STK32A: variants seen among roughly 807,000 people sequenced by gnomAD.
The protein encoded by STK32A is serine/threonine kinase 32A.
Under a neutral mutation model 53.2 loss-of-function variants are expected in STK32A, and 41 were observed. That is an observed-to-expected ratio of 0.77 (90% CI 0.60 to 1.00). STK32A has a LOEUF of 1.00. STK32A is among the 50% of genes least tolerant of loss of function. The probability of loss-of-function intolerance (pLI) is 0.00; values close to 1 mark genes in which losing one functional copy is unlikely to be tolerated. For missense variants in STK32A, 458 were observed against 485.8 expected, an observed-to-expected ratio of 0.94 and a Z score of 0.54; for synonymous variants, 166 against 162.8, an observed-to-expected ratio of 1.02 and a Z score of -0.15.
At chr5:147,253,612 T>A (rs1197741720) in intron 2 of STK32A, among the ~76,000 whole-genome samples, 1 of 152,178 alleles carries the variant, frequency 6.6e-6, no homozygotes, top group Non-Finnish European at 1.5e-5. Context: ...CACCTCAGCC[T>A]CTCAAGGTGC....
At chr5:147,334,012 T>C (rs77453434) in intron 5 of STK32A, among the ~76,000 whole-genome samples, 5,797 of 152,234 alleles carry the variant, frequency 0.038, 151 homozygotes, top group Middle Eastern at 0.082. Flanking sequence ...ACAGCTCCTA[T>C]TATAATGCTT....
chr5:147,323,806 A>G (rs1006266722), intron 4 of STK32A, 92 bp from the exon 5 acceptor site: 4 of 1,120,658 alleles, frequency 3.6e-6, no homozygotes, highest in Non-Finnish European at 5.0e-6. Flanking sequence ...GCTCAAGAAC[A>G]CTCTGCTCTG....
intron 6 of STK32A, among the ~76,000 whole-genome samples, chr5:147,343,788 T>C (rs1299413288): frequency 6.6e-6 from 1 of 152,210 alleles, no homozygotes; most frequent in African/African-American, 2.4e-5. Context: ...TATCAAGTTT[T>C]CTGTTTAAAA....
chr5:147,362,642 C>T (rs978019415), intron 8 of STK32A, among the ~76,000 whole-genome samples: 1 of 152,226 alleles, frequency 6.6e-6, no homozygotes, highest in Non-Finnish European at 1.5e-5. Flanking sequence ...ATACATTCAA[C>T]AGTCCCAAAA....
At chr5:147,374,278 C>T (rs1354888283) in intron 10 of STK32A, among the ~76,000 whole-genome samples, 15 of 136,172 alleles carry the variant, frequency 1.1e-4, no homozygotes, top group African/African-American at 4.7e-4. Flanking sequence ...CAGAGTGAGA[C>T]CCTGTCTCAA....
At position 147,373,165 on chromosome 5, in the gene STK32A, G is replaced by A. The variant is rs1480063976; in HGVS notation, c.778-4G>A. On this transcript the variant is annotated splice_polypyrimidine_tract_variant and splice_region_variant and intron_variant, in intron 9 of 12. Coordinates refer to ENST00000397936, the MANE Select transcript of STK32A (RefSeq NM_001112724.2). ...TGGCCTTGATGTTTGCATTTTATTG[G>A]CAGCTACTCGAACCTAATCCAGACC... The A allele has an allele frequency of 5.0e-6, 8 of 1,612,608 alleles. No homozygotes were observed. Among genetic ancestry groups the A allele is most frequent in the Admixed American group, 1.7e-5 (1 of 59,920 alleles).
chr5:147,381,245 A>G (rs1054105241), intron 11 of STK32A, among the ~76,000 whole-genome samples: 3 of 152,162 alleles, frequency 2.0e-5, no homozygotes, highest in African/African-American at 7.2e-5. Context: ...TCTGGCCTCC[A>G]AAGTTTCTGA....
At chr5:147,376,811 CTGT>C (rs2152006111) in intron 11 of STK32A, among the ~76,000 whole-genome samples, 1 of 152,244 alleles carries the variant, frequency 6.6e-6, no homozygotes, top group South Asian at 2.1e-4. Flanking sequence ...CTTGTCATTT[CTGT>C]TGTTGAATTA....
At chr5:147,247,960 A>C (rs1206755162) in intron 2 of STK32A, among the ~76,000 whole-genome samples, 1 of 151,936 alleles carries the variant, frequency 6.6e-6, no homozygotes, top group Non-Finnish European at 1.5e-5. Context: ...TGTCTATATT[A>C]AAAATACAAA....
At chr5:147,305,454 T>G (rs959910231) in intron 4 of STK32A, among the ~76,000 whole-genome samples, 4 of 152,066 alleles carry the variant, frequency 2.6e-5, no homozygotes, top group Non-Finnish European at 5.9e-5. Context: ...GGACCAGCAG[T>G]CCGGTTTTTC....
intron 4 of STK32A, among the ~76,000 whole-genome samples, chr5:147,299,045 C>T (rs892684635): frequency 1.3e-5 from 2 of 151,912 alleles, no homozygotes; most frequent in East Asian, 1.9e-4. Flanking sequence ...GGATCTCACG[C>T]AAGAAAGAAT....
intron 2 of STK32A, among the ~76,000 whole-genome samples, chr5:147,269,878 G>A (rs4385262): frequency 0.59 from 89,161 of 151,454 alleles, 26,545 homozygotes; most frequent in African/African-American, 0.67. Flanking sequence ...TCACTATGGC[G>A]TGACTGCATA....
At chr5:147,274,284 C>A (rs1464541205) in intron 2 of STK32A, among the ~76,000 whole-genome samples, 1 of 152,168 alleles carries the variant, frequency 6.6e-6, no homozygotes, top group Non-Finnish European at 1.5e-5. Flanking sequence ...GCCACATACC[C>A]TAGCCCAGCC....
intron 1 of STK32A, among the ~76,000 whole-genome samples, chr5:147,235,736 T>C (rs1753284366): frequency 6.6e-6 from 1 of 152,254 alleles, no homozygotes; most frequent in South Asian, 2.1e-4. Context: ...ACACTTGTCA[T>C]GTTTGTAAAA....
intron 4 of STK32A, among the ~76,000 whole-genome samples, chr5:147,318,610 A>T (rs76245960): frequency 2.9e-5 from 4 of 138,850 alleles, no homozygotes; most frequent in East Asian, 2.1e-4. Context: ...ACTAAAAATT[A>T]AAAAAAAAAA....
At chr5:147,290,353 A>T (rs894584295) in intron 4 of STK32A, among the ~76,000 whole-genome samples, 5 of 152,146 alleles carry the variant, frequency 3.3e-5, no homozygotes, top group Non-Finnish European at 7.4e-5. Flanking sequence ...ACCTGGCTAC[A>T]CTCAGGAACA....
At position 147,243,373 on chromosome 5, in the gene STK32A, A is replaced by G. The variant is rs916156416; in HGVS notation, c.52+3687A>G. Among the ~76,000 whole-genome samples the G allele has an allele frequency of 5.8e-5, 7 of 120,774 alleles. 3 individuals are homozygous for G. Among genetic ancestry groups the G allele is most frequent in the Admixed American group, 1.8e-4 (2 of 11,180 alleles). The allele number at this position is 120,774 out of a possible 152,430, so 79.2% of individuals were successfully genotyped here. On this transcript the variant is annotated intron_variant, in intron 2 of 12. Transcript: ENST00000397936. ...TGACACTTGTATTTCATGTTGTTCC[A>G]TCTGATATCTGATCTTGAACACATA...
In STK32A at chr5:147,384,040, G is replaced by A; in HGVS notation, c.*57G>A. 6.4e-7 allele frequency: 1 copy of A among 1,556,122 alleles called. No individual in the cohort carries two copies. The highest frequency in any genetic ancestry group is 8.6e-7 in the Non-Finnish European group (1 of 1,158,762). On this transcript the variant is annotated 3_prime_UTR_variant, in exon 13 of 13. Transcript: ENST00000397936. ...ATGCCAGAAACTTCTAATTACATAT[G>A]TCAAGAAAAGCTGACAGTAGTTCTT...
chr5:147,286,418 T>C (rs542471145), intron 4 of STK32A, among the ~76,000 whole-genome samples: 13 of 152,250 alleles, frequency 8.5e-5, no homozygotes, highest in South Asian at 8.3e-4. Context: ...CAATAACTTA[T>C]GGAAAAATAA....
Sources: gnomAD v4.1 joint callset for allele counts (sites outside exome capture counted in the v4.1 genomes callset) on GRCh38, gnomAD v4.1.1 for gene constraint, MANE v1.5 for transcripts, NCBI Gene and HGNC (gene_info 2026-07-23, HGNC 2026-07-21) for gene names.